PDE7B: variants seen among roughly 807,000 people sequenced by gnomAD.
PDE7B encodes phosphodiesterase 7B, also known as 3',5'-cyclic-AMP phosphodiesterase 7B.
In PDE7B, 29 loss-of-function variants were observed where a neutral mutation model predicts 56.2. The ratio of observed to expected loss-of-function variants is 0.52; its 90% CI spans 0.38 to 0.70. The LOEUF is 0.70. Ranked by LOEUF, PDE7B falls within the 30% of genes least tolerant of loss-of-function variation. The pLI is 0.00. For synonymous variants in PDE7B, 197 were observed against 196.9 expected (o/e 1.00, Z 0.00); for missense variants, 490 against 565.0 (o/e 0.87, Z 1.35).
At chr6:135,893,501 C>T (rs1775845837) in intron 1 of PDE7B, among the ~76,000 whole-genome samples, 1 of 152,050 alleles carries the variant, frequency 6.6e-6, no homozygotes, top group Non-Finnish European at 1.5e-5. Flanking sequence ...CAAGTCTTTG[C>T]TATTGTGAAT....
At chr6:135,994,680 A>T (rs529188356) in intron 2 of PDE7B, among the ~76,000 whole-genome samples, 1 of 152,218 alleles carries the variant, frequency 6.6e-6, no homozygotes, top group Non-Finnish European at 1.5e-5. Flanking sequence ...CATTTATTCA[A>T]TTATATTCAA....
chr6:135,905,991 G>A (rs768314644), intron 1 of PDE7B, among the ~76,000 whole-genome samples: 74 of 152,168 alleles, frequency 4.9e-4, no homozygotes, highest in Non-Finnish European at 9.1e-4. Flanking sequence ...ATAAAGAAGA[G>A]TCCCACATGT....
intron 2 of PDE7B, among the ~76,000 whole-genome samples, chr6:136,005,001 C>A (rs574347784): frequency 6.6e-6 from 1 of 152,260 alleles, no homozygotes; most frequent in South Asian, 2.1e-4. Context: ...GGTACCAATA[C>A]AGAGATATAG....
intron 2 of PDE7B, among the ~76,000 whole-genome samples, chr6:135,962,973 CG>C (rs1310142280): frequency 9.9e-5 from 15 of 152,120 alleles, no homozygotes. Context: ...TGTGGTTCTG[CG>C]GCAAATGGAA....
chr6:136,177,321 T>C (rs1025456232), intron 9 of PDE7B, among the ~76,000 whole-genome samples: 37 of 151,918 alleles, frequency 2.4e-4, no homozygotes, highest in African/African-American at 8.9e-4. Context: ...AAAAATAAAA[T>C]TAAAATGATA....
At chr6:135,900,181 T>C (rs1483795613) in intron 1 of PDE7B, among the ~76,000 whole-genome samples, 1 of 152,130 alleles carries the variant, frequency 6.6e-6, no homozygotes, top group Non-Finnish European at 1.5e-5. Context: ...TCTTCTCTTT[T>C]TTATTAAAAT....
chr6:136,110,116 T>C (rs1777717391), intron 3 of PDE7B, among the ~76,000 whole-genome samples: 1 of 152,128 alleles, frequency 6.6e-6, no homozygotes, highest in African/African-American at 2.4e-5. Context: ...CAATGTCTGT[T>C]TTTTTTAGCA....
At chr6:136,133,421 G>T (rs137869181) in intron 3 of PDE7B, among the ~76,000 whole-genome samples, 42 of 152,138 alleles carry the variant, frequency 2.8e-4, no homozygotes, top group African/African-American at 9.9e-4. Flanking sequence ...AACAAATTCA[G>T]AAAAGAAATA....
intron 1 of PDE7B, among the ~76,000 whole-genome samples, chr6:135,871,080 T>G (rs1775370667): frequency 1.3e-5 from 2 of 152,194 alleles, no homozygotes; most frequent in African/African-American, 4.8e-5. Context: ...AATTTTCCAT[T>G]TATACTTGAG....
intron 2 of PDE7B, chr6:136,047,577 C>CA (rs1232323598): frequency 6.6e-6 from 1 of 152,024 alleles, no homozygotes; most frequent in Non-Finnish European, 1.5e-5. Flanking sequence ...TCAAATCCTC[C>CA]AAAAATTGTT....
chr6:135,987,836 CACACAT>C (rs140035079), intron 2 of PDE7B, among the ~76,000 whole-genome samples: 5,472 of 151,650 alleles, frequency 0.036, 320 homozygotes, highest in African/African-American at 0.12. Flanking sequence ...GACACACACA[CACACAT>C]ACACACACAC....
chr6:136,016,485 GTATCACACAC>G (rs1775979992), intron 2 of PDE7B, among the ~76,000 whole-genome samples: 1 of 152,070 alleles, frequency 6.6e-6, no homozygotes, highest in Non-Finnish European at 1.5e-5. Flanking sequence ...AGCTATTGTT[GTATCACACAC>G]CTCACTTTAT....
At chr6:136,180,346 C>T (rs919510016) in intron 10 of PDE7B, among the ~76,000 whole-genome samples, 6 of 152,298 alleles carry the variant, frequency 3.9e-5, no homozygotes, top group South Asian at 2.1e-4. Flanking sequence ...ACTTGCATTT[C>T]GAAAGAAAGC....
At chr6:136,117,694 A>C (rs1777863022) in intron 3 of PDE7B, among the ~76,000 whole-genome samples, 1 of 152,208 alleles carries the variant, frequency 6.6e-6, no homozygotes, top group African/African-American at 2.4e-5. Context: ...AGAGGTGCTT[A>C]ACCCCAGGCA....
intron 1 of PDE7B, among the ~76,000 whole-genome samples, chr6:135,885,257 T>C (rs960334846): frequency 6.6e-6 from 1 of 152,156 alleles, no homozygotes; most frequent in Non-Finnish European, 1.5e-5. Flanking sequence ...AAGCCTGTCA[T>C]CATGATGCCT....
At chr6:135,888,638 C>T (rs775871079) in intron 1 of PDE7B, among the ~76,000 whole-genome samples, 8 of 149,966 alleles carry the variant, frequency 5.3e-5, no homozygotes, top group Middle Eastern at 3.2e-3. Context: ...AGTAGGTGTA[C>T]TAGTTTAAAA....
At chr6:136,131,619 T>TG (rs754971539) in intron 3 of PDE7B, among the ~76,000 whole-genome samples, 6 of 150,810 alleles carry the variant, frequency 4.0e-5, no homozygotes, top group Non-Finnish European at 8.8e-5. Context: ...TTTCCAAAGC[T>TG]GGGGGCACTA....
chr6:136,074,731 A>T (rs928097056), intron 2 of PDE7B, among the ~76,000 whole-genome samples: 1 of 152,162 alleles, frequency 6.6e-6, no homozygotes, highest in Non-Finnish European at 1.5e-5. Context: ...CTCCGAGTGA[A>T]TCCATATTGT....
intron 3 of PDE7B, among the ~76,000 whole-genome samples, chr6:136,138,390 G>A (rs917391577): frequency 1.3e-5 from 2 of 151,990 alleles, no homozygotes; most frequent in Non-Finnish European, 2.9e-5. Flanking sequence ...TATTCAGATT[G>A]TTATATGAAT....
Sources: allele counts gnomAD v4.1 joint callset (sites outside exome capture counted in the v4.1 genomes callset), GRCh38; gene constraint gnomAD v4.1.1; transcripts MANE v1.5; gene names NCBI Gene and HGNC (gene_info 2026-07-23, HGNC 2026-07-21).